MTG1: variants seen among roughly 807,000 people sequenced by gnomAD.
MTG1 encodes mitochondrial ribosome associated GTPase 1, also known as mitochondrial ribosome-associated GTPase 1.
A neutral mutation model predicts 39.5 loss-of-function variants in MTG1; 30 were observed. The ratio of observed to expected loss-of-function variants is 0.76; its 90% confidence interval spans 0.57 to 1.03. The LOEUF is 1.03. MTG1 is among the 50% of genes least tolerant of loss of function. The pLI, the probability that MTG1 is intolerant of heterozygous loss-of-function variation, is 0.00. For synonymous variants in MTG1, 217 were observed against 179.0 expected (o/e 1.21, Z -1.69); for missense variants, 513 against 447.4 (o/e 1.15, Z -1.32).
chr10:133,402,236 G>A lies in MTG1; in HGVS notation c.661G>A (p.Ala221Thr). The A allele has an allele frequency of 1.2e-6, 2 of 1,611,350 alleles. No homozygotes were observed. The highest frequency in any genetic ancestry group is 1.7e-4 in the Middle Eastern group (1 of 6,050). ...AAGTGTGGAGACAGGCCTGAAGCTG[G>A]CCCTGTGTGGTGAGCCGGGGCTGGG... ...IESVETGLKL[A>T]LCGTVLDHLV... The change falls in exon 8 of 11, where the codon GCC (alanine) becomes ACC (threonine). Residue 221 changes from alanine (A) to threonine (T), a missense_variant. By Grantham distance (58) the Ala-to-Thr change is moderately conservative. Transcript: ENST00000317502. The surrounding 1 kb of genome is among the most constrained non-coding windows in gnomAD (Gnocchi z 4.7).
In MTG1 at chr10:133,419,523, G is replaced by A. The variant is rs1850193596; in HGVS notation, c.796G>A (p.Glu266Lys). 6.2e-7 allele frequency: 1 copy of A among 1,609,714 alleles called. No individual in the cohort carries two copies. The change falls in exon 10 of 11, where the codon GAG becomes AAG. Residue 266 changes from glutamate to lysine, a missense_variant. Coordinates refer to ENST00000317502, the MANE Select transcript of MTG1 (RefSeq NM_138384.4). ...YGLGSACDNV[E>K]RVLKSVAVKL... is the part of the protein sequence containing the mutation. ...CCTGGGCAGTGCCTGTGACAACGTA[G>A]AGCGCGTGCTGAAGAGTGTGGCTGT...
At chr10:133,397,686 G>A (rs1849805203) in intron 3 of MTG1, among the ~76,000 whole-genome samples, 1 of 151,704 alleles carries the variant, frequency 6.6e-6, no homozygotes, top group Non-Finnish European at 1.5e-5. Context: ...CACTGTGTTA[G>A]CCAGGATGGT....
chr10:133,412,751 T>C (rs1850065438), intron 9 of MTG1, among the ~76,000 whole-genome samples: 1 of 152,216 alleles, frequency 6.6e-6, no homozygotes, highest in South Asian at 2.1e-4. Flanking sequence ...ATTTTATTGA[T>C]TTTTCCCAAA....
intron 6 of MTG1, 79 bp downstream of exon 6, chr10:133,399,698 G>A (rs1849844088): frequency 2.1e-6 from 3 of 1,462,258 alleles, no homozygotes; most frequent in African/African-American, 1.4e-5. Flanking sequence ...CATCTTTCTT[G>A]GAGGGGACGT....
intron 9 of MTG1, among the ~76,000 whole-genome samples, chr10:133,410,562 A>G (rs756697223): frequency 1.2e-4 from 18 of 152,224 alleles, no homozygotes; most frequent in Non-Finnish European, 2.4e-4. Flanking sequence ...TATGTATTAT[A>G]TGTAGTGTAC....
At chr10:133,413,256 G>A (rs529691293) in intron 9 of MTG1, among the ~76,000 whole-genome samples, 32 of 152,254 alleles carry the variant, frequency 2.1e-4, no homozygotes, top group African/African-American at 6.0e-4. Context: ...GATTACAGGC[G>A]CCTGCCACCA....
Position 133,420,296 on chromosome 10 carries a change from C to A in MTG1, c.*131C>A. ...CACTAGGGTGCTGTGCTCTCTGGCG[C>A]CCCACAGCCTGGCCAGCTCCAGGGA... is the stretch of plus-strand genomic sequence containing the variant. On this transcript the variant is annotated 3_prime_UTR_variant, in exon 11 of 11. Transcript: ENST00000317502. The A allele has an allele frequency of 8.6e-7, 1 of 1,157,684 alleles. No homozygotes were observed. The highest frequency in any genetic ancestry group is 1.2e-6 in the Non-Finnish European group (1 of 866,778). 71.7% of individuals were successfully genotyped at this position (1,157,684 alleles called of 1,614,324 possible).
chr10:133,419,856 G>C (rs1176887338), intron 10 of MTG1, among the ~76,000 whole-genome samples, 170 bp from the exon 11 acceptor site: 1 of 152,142 alleles, frequency 6.6e-6, no homozygotes, highest in Admixed American at 6.5e-5. Flanking sequence ...CCTGGCCTTG[G>C]AGGCTCCGGG....
At chr10:133,413,676 G>A (rs1850077503) in intron 9 of MTG1, among the ~76,000 whole-genome samples, 1 of 151,868 alleles carries the variant, frequency 6.6e-6, no homozygotes, top group African/African-American at 2.4e-5. Flanking sequence ...GTTGCTTTAG[G>A]GTGTATAGTA....
rs1850192494 is a variant in MTG1 at position 133,419,487 on chromosome 10, CA to C, written c.761del (p.Gln254ArgfsTer12). The C allele has an allele frequency of 1.3e-6, 2 of 1,597,742 alleles. No individual in the cohort carries two copies. Among genetic ancestry groups the C allele is most frequent in the African/African-American group, 2.7e-5 (2 of 74,816 alleles). On this transcript the variant is annotated frameshift_variant, in exon 10 of 11. Transcript: ENST00000317502. LOFTEE classifies it high-confidence loss of function. The part of the protein sequence containing the change: ...LNKHQRFGYV[Q>X]HYGLGSACDN... Reference sequence around the variant, plus strand: ...CCTGCAGCCTATGTGCAGGTACGTGCAGCACTACGGCCTGGGCAGTGCCTGT... The same window carrying C: ...CCTGCAGCCTATGTGCAGGTACGTGCGCACTACGGCCTGGGCAGTGCCTGT...
At chr10:133,400,302 C>G (rs1849856011) in intron 6 of MTG1, among the ~76,000 whole-genome samples, 1 of 152,238 alleles carries the variant, frequency 6.6e-6, no homozygotes, top group Non-Finnish European at 1.5e-5. Context: ...GGCCATTCCT[C>G]CATGGCGTCC....
chr10:133,399,509 C>G lies in MTG1; in HGVS notation c.421-20C>G. ...TAGCGGCCACGGTGGGCCCTGTGACCCCTCTCTCTGCCTGCGCAGAACCTG... is the reference window on the plus strand; with the variant it reads ...TAGCGGCCACGGTGGGCCCTGTGACGCCTCTCTCTGCCTGCGCAGAACCTG... On this transcript the variant is annotated intron_variant, in intron 5 of 10. Transcript: ENST00000317502. 2 of 1,612,132 alleles carry G rather than the reference C, an allele frequency of 1.2e-6. No individual in the cohort carries two copies. The highest frequency in any genetic ancestry group is 4.5e-5 in the East Asian group (2 of 44,860).
intron 9 of MTG1, among the ~76,000 whole-genome samples, chr10:133,411,009 A>G (rs1850038309): frequency 1.3e-5 from 2 of 152,224 alleles, no homozygotes; most frequent in South Asian, 4.1e-4. Flanking sequence ...ATGAATGCAC[A>G]CCACATTCAC....
intron 2 of MTG1, among the ~76,000 whole-genome samples, 179 bp from the exon 3 acceptor site, chr10:133,395,984 G>A (rs1849777812): frequency 6.6e-6 from 1 of 152,220 alleles, no homozygotes; most frequent in Admixed American, 6.5e-5. Context: ...ACGGTACGGT[G>A]CAGCAGTGGA....
intron 9 of MTG1, among the ~76,000 whole-genome samples, chr10:133,414,919 C>T (rs1195365918): frequency 1.3e-5 from 2 of 152,250 alleles, no homozygotes; most frequent in African/African-American, 4.8e-5. Flanking sequence ...ATCCCTGCAC[C>T]TCGGGAGGCC....
chr10:133,411,751 T>C (rs900657229), intron 9 of MTG1, among the ~76,000 whole-genome samples: 1 of 152,172 alleles, frequency 6.6e-6, no homozygotes, highest in Non-Finnish European at 1.5e-5. Flanking sequence ...AATATATTTT[T>C]CAGCAAATGT....
chr10:133,397,621 G>A (rs1849803654), intron 3 of MTG1, among the ~76,000 whole-genome samples: 1 of 152,060 alleles, frequency 6.6e-6, no homozygotes, highest in Admixed American at 6.5e-5. Flanking sequence ...CGGGACTACA[G>A]GCGCCCGCCA....
intron 9 of MTG1, among the ~76,000 whole-genome samples, chr10:133,408,480 C>T (rs1001076096): frequency 1.3e-5 from 2 of 152,214 alleles, no homozygotes; most frequent in Admixed American, 6.5e-5. Context: ...AGGATTTCTG[C>T]ATCTGTGTTC....
chr10:133,400,787 C>G (rs1297568980), intron 6 of MTG1, among the ~76,000 whole-genome samples: 2 of 152,244 alleles, frequency 1.3e-5, no homozygotes, highest in East Asian at 3.8e-4. Context: ...CCTCGTTCCA[C>G]TTTCTGTCTG....
Sources: gnomAD v4.1 joint callset for allele counts (sites outside exome capture counted in the v4.1 genomes callset) on GRCh38, gnomAD v4.1.1 for gene constraint, Gnocchi (gnomAD v3.1) non-coding constraint, MANE v1.5 for transcripts, NCBI Gene and HGNC (gene_info 2026-07-23, HGNC 2026-07-21) for gene names.